The following DRC5 variants were observed in gnomAD, a reference collection of about 807,000 sequenced individuals.
DRC5 encodes T-complex-associated testis-expressed protein 1.
the DRC5 span, chr6:44,280,198 C>T: frequency 6.2e-7 from 1 of 1,614,132 alleles, no homozygotes; most frequent in Admixed American, 1.7e-5. Flanking sequence ...ACAGAGTTCT[C>T]AGGGCCATTG....
chr6:44,289,001 A>AAAAAAAAG, the DRC5 span, among the ~76,000 whole-genome samples: 9,085 of 124,332 alleles, frequency 0.073, 955 homozygotes, highest in Non-Finnish European at 0.13. Flanking sequence ...CTCAAAAAAA[A>AAAAAAAAG]AAAAAAAAAA....
At chr6:44,288,993 CAAAAAAAAAAAAAAAAAA>C in the DRC5 span, among the ~76,000 whole-genome samples, 47 of 32,832 alleles carry the variant, frequency 1.4e-3, 4 homozygotes, top group Admixed American at 0.029. Flanking sequence ...GACTCTGTCT[CAAAAAAAAAAAAAAAAAA>C]AAAAAAAAAA....
At chr6:44,292,711 G>A in the DRC5 span, among the ~76,000 whole-genome samples, 2 of 114,242 alleles carry the variant, frequency 1.8e-5, no homozygotes, top group African/African-American at 5.3e-5. Flanking sequence ...TGTCCAAGTG[G>A]AGGGAGACAG....
chr6:44,279,988 G>T, the DRC5 span: 1 of 567,602 alleles, frequency 1.8e-6, no homozygotes, highest in Non-Finnish European at 3.1e-6. Context: ...GGTCCCTACT[G>T]CATACCCTTT....
At chr6:44,282,396 C>T in the DRC5 span, 62 of 1,614,002 alleles carry the variant, frequency 3.8e-5, 1 homozygote, top group South Asian at 3.8e-4. Flanking sequence ...GTTGAGCACA[C>T]GCAGGCGGCT....
chr6:44,287,062 T>A, the DRC5 span: 1 of 346,620 alleles, frequency 2.9e-6, no homozygotes, highest in African/African-American at 2.2e-5. Flanking sequence ...GTGATGATAG[T>A]TGCTGTAGAT....
the DRC5 span, chr6:44,297,607 C>T: frequency 1.3e-5 from 2 of 152,238 alleles, no homozygotes; most frequent in African/African-American, 4.8e-5. Flanking sequence ...CAGAGGGGGC[C>T]CCGATAAGGG....
At chr6:44,289,489 T>C in the DRC5 span, among the ~76,000 whole-genome samples, 1 of 152,174 alleles carries the variant, frequency 6.6e-6, no homozygotes, top group South Asian at 2.1e-4. Flanking sequence ...GCCTACCGTT[T>C]CAATGTGGCT....
the DRC5 span, chr6:44,280,039 A>G: frequency 3.8e-5 from 28 of 740,982 alleles, no homozygotes; most frequent in African/African-American, 4.0e-4. Context: ...TCATGTCTCC[A>G]TCCATACAAC....
the DRC5 span, among the ~76,000 whole-genome samples, chr6:44,288,934 C>G: frequency 8.5e-6 from 1 of 117,150 alleles, no homozygotes; most frequent in Non-Finnish European, 1.6e-5. Context: ...GCAGAGGTTG[C>G]AGTGAGCCAA....
At chr6:44,296,939 C>CTGGA in the DRC5 span, among the ~76,000 whole-genome samples, 1 of 14,432 alleles carries the variant, frequency 6.9e-5, no homozygotes, top group Admixed American at 9.7e-4. Context: ...GAGCCTCGGC[C>CTGGA]CGTGTGCTTG....
chr6:44,282,188 G>A, the DRC5 span: 23 of 1,614,066 alleles, frequency 1.4e-5, no homozygotes, highest in African/African-American at 5.3e-5. Context: ...GGAGTGTGGC[G>A]GTGGGCTCAG....
chr6:44,287,493 C>T, the DRC5 span: 1 of 1,540,490 alleles, frequency 6.5e-7, no homozygotes. Context: ...CAGTCCCCAC[C>T]CACCTAGCCC....
the DRC5 span, among the ~76,000 whole-genome samples, chr6:44,281,499 C>T: frequency 4.6e-5 from 7 of 152,202 alleles, no homozygotes; most frequent in African/African-American, 1.7e-4. Context: ...ATTCTCCTGC[C>T]TCAGGCTCCC....
chr6:44,280,376 C>G, the DRC5 span: 1 of 1,612,984 alleles, frequency 6.2e-7, no homozygotes, highest in Non-Finnish European at 8.5e-7. Context: ...CTTCCAGGAG[C>G]TGCTTCCCAC....
chr6:44,296,399 G>A, the DRC5 span, among the ~76,000 whole-genome samples: 1 of 152,206 alleles, frequency 6.6e-6, no homozygotes, highest in African/African-American at 2.4e-5. Context: ...ATCCTTTGGA[G>A]GGTGCAAGGA....
the DRC5 span, among the ~76,000 whole-genome samples, chr6:44,280,790 C>T: frequency 6.6e-6 from 1 of 152,148 alleles, no homozygotes; most frequent in Non-Finnish European, 1.5e-5. Flanking sequence ...GGGCATGTCC[C>T]TGTATGAGAT....
At chr6:44,282,531 T>C in the DRC5 span, 4 of 1,597,038 alleles carry the variant, frequency 2.5e-6, no homozygotes, top group South Asian at 1.1e-5. Flanking sequence ...CTTGTCATCA[T>C]CCACCTTGCT....
chr6:44,285,886 T>C, the DRC5 span: 149 of 1,302,008 alleles, frequency 1.1e-4, no homozygotes, highest in African/African-American at 2.0e-3. Context: ...AAGGCAATAA[T>C]AGAGGAGGAA....
Sources: allele counts gnomAD v4.1 joint callset (sites outside exome capture counted in the v4.1 genomes callset), GRCh38; gene constraint gnomAD v4.1.1; transcripts MANE v1.5; gene names NCBI Gene and HGNC (gene_info 2026-07-23, HGNC 2026-07-21).